The following MTMR10 variants were observed in gnomAD, a reference collection of about 807,000 sequenced individuals.
MTMR10 encodes the protein myotubularin-related protein 10.
MTMR10 carries 56 observed loss-of-function variants against 88.1 expected under a neutral mutation model. The ratio of observed to expected loss-of-function variants is 0.64; its 90% CI spans 0.51 to 0.79. MTMR10 has a LOEUF of 0.79. Among genes scored for constraint, MTMR10 ranks in the 30% least tolerant of loss-of-function variants. The pLI is 0.00. For synonymous variants in MTMR10, 380 were observed against 340.9 expected, an observed-to-expected ratio of 1.11 and a Z score of -1.26; for missense variants, 883 against 924.7, an observed-to-expected ratio of 0.95 and a Z score of 0.58.
chr15:30,928,853 CTTTAA>C, the MTMR10 span: 5 of 917,608 alleles, frequency 5.4e-6, no homozygotes, highest in East Asian at 1.2e-4. Flanking sequence ...AAGTTTTAAA[CTTTAA>C]TTTAGCCTCC....
At chr15:30,920,479 TTGTTA>T in the MTMR10 span, 2 of 1,006,060 alleles carry the variant, frequency 2.0e-6, no homozygotes, top group Non-Finnish European at 3.1e-6. Flanking sequence ...GCTTTGTCAC[TTGTTA>T]TTATTGTCTT....
chr15:30,954,187 C>G (rs79062740), intron 10 of MTMR10, among the ~76,000 whole-genome samples: 3,821 of 152,238 alleles, frequency 0.025, 96 homozygotes, highest in African/African-American at 0.054. Flanking sequence ...GCAAGGCCCT[C>G]CCCCAGGGAA....
chr15:30,926,860 G>A, the MTMR10 span: 330 of 985,382 alleles, frequency 3.3e-4, 1 homozygote, highest in East Asian at 4.2e-3. Flanking sequence ...GATTAAAATC[G>A]ATGCCGTGAA....
Position 30,952,051 on chromosome 15 carries a change from A to G in MTMR10, c.1137-13T>C. The G allele has an allele frequency of 1.2e-6, 2 of 1,609,330 alleles. No homozygotes were observed. The highest frequency in any genetic ancestry group is 1.7e-6 in the Non-Finnish European group (2 of 1,176,086). ...CTTAAGGAATGCCCTGAAGAGAGAA[A>G]AGGAAAAGCAGTGTTAAAAATCAAA... is the stretch of plus-strand genomic sequence containing the variant. On this transcript the variant is annotated splice_polypyrimidine_tract_variant and intron_variant, in intron 11 of 15. Transcript: ENST00000435680.
At chr15:30,959,227 A>T in intron 7 of MTMR10, 106 bp from the exon 8 acceptor site, 2 of 1,014,978 alleles carry the variant, frequency 2.0e-6, no homozygotes, top group Non-Finnish European at 2.9e-6. Context: ...TTTAATGTGC[A>T]CCCCACTTAG....
the MTMR10 span, among the ~76,000 whole-genome samples, chr15:30,932,698 T>C: frequency 6.7e-6 from 1 of 149,264 alleles, no homozygotes; most frequent in African/African-American, 2.5e-5. Flanking sequence ...CTTAAAGTTG[T>C]TTATATTTGT....
chr15:30,946,331 A>T (rs746813890), intron 14 of MTMR10: 1 of 175,118 alleles, frequency 5.7e-6, no homozygotes, highest in Admixed American at 6.1e-5. Flanking sequence ...GACTAAAGGC[A>T]TAAGTGTTAG....
At chr15:30,955,651 G>T (rs775795017) in intron 9 of MTMR10, among the ~76,000 whole-genome samples, 2 of 152,102 alleles carry the variant, frequency 1.3e-5, no homozygotes, top group Non-Finnish European at 2.9e-5. Flanking sequence ...TGCCAAGGGG[G>T]GGGCGGGGCA....
Position 30,941,530 on chromosome 15 carries a change from GC to G in MTMR10, c.2273del (p.Ser758ThrfsTer4). 6.2e-7 allele frequency: 1 copy of G among 1,610,030 alleles called. No homozygotes were observed. The highest frequency in any genetic ancestry group is 8.5e-7 in the Non-Finnish European group (1 of 1,177,882). On this transcript the variant is annotated frameshift_variant, in exon 16 of 16. Coordinates refer to ENST00000435680, the MANE Select transcript of MTMR10 (RefSeq NM_017762.3). LOFTEE classifies it high-confidence loss of function. ...CRRSILGTPLSKFLSGAKIWL... is the reference protein window; with the variant it reads ...CRRSILGTPLXKFLSGAKIWL... ...ATATTTTGGCCCCACTTAAAAATTT[GC>G]TTAATGGTGTTCCTAAAATGCTTCG...
intron 11 of MTMR10, among the ~76,000 whole-genome samples, chr15:30,953,074 GCCA>G (rs1237939181): frequency 6.6e-6 from 1 of 152,212 alleles, no homozygotes; most frequent in African/African-American, 2.4e-5. Flanking sequence ...ACAGGCATGA[GCCA>G]CCACGCCTGG....
intron 9 of MTMR10, among the ~76,000 whole-genome samples, chr15:30,958,247 T>C (rs1237131104): frequency 1.3e-5 from 2 of 152,182 alleles, no homozygotes; most frequent in Non-Finnish European, 2.9e-5. Flanking sequence ...GTGTAATGTC[T>C]GGAGAGAAGA....
In MTMR10 at chr15:30,948,455, G is replaced by A. The variant is rs1164094552; in HGVS notation, c.1224C>T (p.Asp408=). The stretch of plus-strand genomic sequence containing the variant: ...CAAGAGAAGCTACACAACAGCTCAA[G>A]TCTCTTCCTTCCTCCTCTGTTAATA... ...SVVLQEEEGR[D]LSCCVASLVQ... Residue 408 remains aspartate (D), a synonymous_variant, in exon 13 of 16, where the codon GAC becomes GAT. Coordinates refer to ENST00000435680, the MANE Select transcript of MTMR10 (RefSeq NM_017762.3). The A allele has an allele frequency of 1.9e-6, 3 of 1,608,276 alleles. No homozygotes were observed. The highest frequency in any genetic ancestry group is 2.5e-6 in the Non-Finnish European group (3 of 1,176,974).
chr15:30,925,327 C>A, the MTMR10 span: 1 of 1,582,558 alleles, frequency 6.3e-7, no homozygotes. Flanking sequence ...TGGACTTAGG[C>A]GCGTGTACCT....
At position 30,939,215 on chromosome 15, in the gene MTMR10, T is replaced by C. The variant is rs185060568; in HGVS notation, c.*2255A>G. ...AATAAAGTTAGTTAGCTATTTTTGG[T>C]TTCAAAATCAGTTTCCATCATAAAA... On this transcript the variant is annotated 3_prime_UTR_variant, in exon 16 of 16. Transcript: ENST00000435680. 2 of 985,302 alleles carry C rather than the reference T, an allele frequency of 2.0e-6. No homozygotes were observed. Among genetic ancestry groups the C allele is most frequent in the Admixed American group, 1.2e-4 (2 of 16,270 alleles). The allele number at this position is 985,302 out of a possible 1,614,324, so 61.0% of individuals were successfully genotyped here.
At chr15:30,922,087 G>GT in the MTMR10 span, 1 of 995,428 alleles carries the variant, frequency 1.0e-6, no homozygotes, top group Non-Finnish European at 1.5e-6. Context: ...CAAAGTCCCT[G>GT]TCCTGTCAGT....
At chr15:30,967,498 T>C (rs1487438610) in intron 6 of MTMR10, among the ~76,000 whole-genome samples, 1 of 152,146 alleles carries the variant, frequency 6.6e-6, no homozygotes, top group Non-Finnish European at 1.5e-5. Context: ...CCACAAAAAG[T>C]TTTTAATCAC....
At chr15:30,929,708 CATAT>C in the MTMR10 span, among the ~76,000 whole-genome samples, 1 of 76,516 alleles carries the variant, frequency 1.3e-5, no homozygotes, top group Non-Finnish European at 2.3e-5. Flanking sequence ...TATATTATAT[CATAT>C]ATAATATATA....
At chr15:30,955,998 G>A (rs2063322472) in intron 9 of MTMR10, among the ~76,000 whole-genome samples, 1 of 54,346 alleles carries the variant, frequency 1.8e-5, no homozygotes, top group African/African-American at 5.0e-5. Flanking sequence ...AAACCCTGCT[G>A]TTGTTTTTTT....
intron 1 of MTMR10, 130 bp from the exon 2 acceptor site, chr15:30,990,967 A>G (rs914569015): frequency 1.3e-4 from 95 of 745,190 alleles, no homozygotes; most frequent in Non-Finnish European, 1.9e-4. Flanking sequence ...ATTCTTTCGC[A>G]TATTAACTGA....
Sources: allele counts gnomAD v4.1 joint callset (sites outside exome capture counted in the v4.1 genomes callset), GRCh38; gene constraint gnomAD v4.1.1; transcripts MANE v1.5; gene names NCBI Gene and HGNC (gene_info 2026-07-23, HGNC 2026-07-21).